The following CHRNA3 variants were observed in gnomAD, a reference collection of about 807,000 sequenced individuals.
CHRNA3 encodes neuronal acetylcholine receptor subunit alpha-3.
CHRNA3 carries 34 observed loss-of-function variants against 41.9 expected under a neutral mutation model. That is an observed-to-expected ratio of 0.81 (90% CI 0.62 to 1.08). CHRNA3 has a LOEUF of 1.08. Among genes scored for constraint, CHRNA3 ranks in the 50% least tolerant of loss-of-function variants. The pLI, the probability that CHRNA3 is intolerant of heterozygous loss-of-function variation, is 0.00. For missense variants in CHRNA3, 542 were observed against 638.3 expected (o/e 0.85, Z 1.63); for synonymous variants, 281 against 265.2 (o/e 1.06, Z -0.58).
At chr15:78,620,679 C>G in intron 1 of CHRNA3, 34 bp downstream of exon 1, 5 of 1,498,970 alleles carry the variant, frequency 3.3e-6, no homozygotes, top group Middle Eastern at 4.4e-4. Flanking sequence ...CTCGGGCGCC[C>G]GTCCCTCCGG....
Position 78,596,032 on chromosome 15 carries a change from A to G in CHRNA3, c.*572T>C. On this transcript the variant is annotated 3_prime_UTR_variant, in exon 6 of 6. Coordinates refer to ENST00000326828, the MANE Select transcript of CHRNA3 (RefSeq NM_000743.5). ...GTGTACTAAGACAGTTATATTAACA[A>G]TGAATAACTAGGCATGATTTCTCAT... 7 of 966,898 alleles carry G rather than the reference A, an allele frequency of 7.2e-6. No homozygotes were observed. The highest frequency in any genetic ancestry group is 8.6e-6 in the Non-Finnish European group (7 of 813,256). The allele number at this position is 966,898 out of a possible 1,614,324, so 59.9% of individuals were successfully genotyped here. A position where few individuals can be genotyped will look rare whatever the true frequency, so the allele number is the denominator to read the frequency against.
intron 4 of CHRNA3, among the ~76,000 whole-genome samples, chr15:78,610,828 G>T (rs927876324): frequency 1.3e-5 from 2 of 152,078 alleles, no homozygotes; most frequent in African/African-American, 4.8e-5. Flanking sequence ...TAGACTGCTA[G>T]CAAGACTAAT....
In CHRNA3 at chr15:78,595,912, C is replaced by G. The variant is rs2053099992; in HGVS notation, c.*692G>C. 3.9e-6 allele frequency: 1 copy of G among 253,556 alleles called. No individual in the cohort carries two copies. Among genetic ancestry groups the G allele is most frequent in the Admixed American group, 6.5e-5 (1 of 15,362 alleles). 15.7% of individuals were successfully genotyped at this position (253,556 alleles called of 1,614,324 possible). A position where few individuals can be genotyped will look rare whatever the true frequency, so the allele number is the denominator to read the frequency against. On this transcript the variant is annotated 3_prime_UTR_variant, in exon 6 of 6. Coordinates refer to ENST00000326828, the MANE Select transcript of CHRNA3 (RefSeq NM_000743.5). ...AAGGCACCCTTTGAGGAAGAGGACC[C>G]TCACCAGACACCAAATTTGCTGGTG...
intron 5 of CHRNA3, chr15:78,599,946 A>C (rs1271456280): frequency 6.8e-6 from 1 of 146,734 alleles, no homozygotes; most frequent in East Asian, 2.1e-4. Context: ...GAACCTGGGA[A>C]GCAGAGGTTG....
chr15:78,609,708 G>T (rs1045983304), intron 4 of CHRNA3, among the ~76,000 whole-genome samples: 1 of 152,094 alleles, frequency 6.6e-6, no homozygotes, highest in African/African-American at 2.4e-5. Flanking sequence ...ATAATGACAG[G>T]ACCAAATTCA....
intron 4 of CHRNA3, chr15:78,607,407 T>C (rs940448214): frequency 6.6e-6 from 1 of 151,332 alleles, no homozygotes; most frequent in Non-Finnish European, 1.5e-5. Context: ...AAACAAAATA[T>C]CACAGGAGAA....
At position 78,615,078 on chromosome 15, in the gene CHRNA3, A is replaced by G. The variant is rs1404752812; in HGVS notation, c.377+1946T>C. Among the ~76,000 whole-genome samples the G allele has an allele frequency of 2.6e-5, 4 of 152,302 alleles. No individual in the cohort carries two copies. The East Asian group carries it at 5.8e-4, about 22-fold the overall frequency. The stretch of plus-strand genomic sequence containing the variant: ...GCAGCTTCTCTCGATGGCAGGAGCC[A>G]GGGAAGTCTTTTTAGTCCTGGACTC... On this transcript the variant is annotated intron_variant, in intron 4 of 5. Transcript: ENST00000326828.
At chr15:78,619,037 C>A in intron 1 of CHRNA3, 122 bp from the exon 2 acceptor site, 1 of 1,198,488 alleles carries the variant, frequency 8.3e-7, no homozygotes, top group South Asian at 1.5e-5. Context: ...CTGTGGAACC[C>A]TAGACTTTCA....
chr15:78,596,581 C>A lies in CHRNA3; in HGVS notation c.*23G>T, dbSNP rs371646922. The A allele has an allele frequency of 5.2e-6, 8 of 1,524,804 alleles. No individual in the cohort carries two copies. The African/African-American group carries it at 7.0e-5, about 13-fold the overall frequency. The allele number at this position is 1,524,804 out of a possible 1,614,324, so 94.5% of individuals were successfully genotyped here. On this transcript the variant is annotated 3_prime_UTR_variant, in exon 6 of 6. Transcript: ENST00000326828. ...CCTGCCCTGACACAAGGAAGTCTCC[C>A]AGGCAGGCACACAGCTTAGTGCTTA...
At chr15:78,598,570 T>C (rs960422703) in intron 5 of CHRNA3, among the ~76,000 whole-genome samples, 2 of 152,036 alleles carry the variant, frequency 1.3e-5, no homozygotes, top group African/African-American at 4.8e-5. Flanking sequence ...AATTTTTTGT[T>C]TTTTGAGACG....
chr15:78,599,674 T>C, intron 5 of CHRNA3, among the ~76,000 whole-genome samples: 1 of 147,396 alleles, frequency 6.8e-6, no homozygotes, highest in Admixed American at 6.9e-5. Flanking sequence ...TTATTTCTCT[T>C]CTTATTGGCA....
At chr15:78,620,224 TCCAGCTCCAGCC>T (rs2053527942) in intron 1 of CHRNA3, 1 of 155,606 alleles carries the variant, frequency 6.4e-6, no homozygotes, top group South Asian at 1.9e-4. Flanking sequence ...AGGCTGGCGC[TCCAGCTCCAGCC>T]CCAGTCCCGA....
At chr15:78,608,259 T>G (rs2053328462) in intron 4 of CHRNA3, among the ~76,000 whole-genome samples, 1 of 152,236 alleles carries the variant, frequency 6.6e-6, no homozygotes, top group South Asian at 2.1e-4. Flanking sequence ...ACGGGCAGAC[T>G]GCCTCCTCAA....
At position 78,620,974 on chromosome 15, in the gene CHRNA3, G is replaced by A. The variant is rs545036689; in HGVS notation, c.-180C>T. 2.3e-5 allele frequency: 19 copies of A among 822,250 alleles called. No individual in the cohort carries two copies. In the East Asian group the frequency reaches 6.9e-4, roughly 30 times the overall value. The allele number at this position is 822,250 out of a possible 1,614,324, so 50.9% of individuals were successfully genotyped here. The stretch of plus-strand genomic sequence containing the variant: ...GGTTTCCAGCGCCCTCGGACCCGCG[G>A]GAGGACAGGAACCATCCGGAGTGAA... On this transcript the variant is annotated 5_prime_UTR_variant, in exon 1 of 6. Coordinates refer to ENST00000326828, the MANE Select transcript of CHRNA3 (RefSeq NM_000743.5).
intron 4 of CHRNA3, among the ~76,000 whole-genome samples, chr15:78,609,247 G>A (rs1191753204): frequency 1.3e-5 from 2 of 152,186 alleles, no homozygotes; most frequent in Non-Finnish European, 2.9e-5. Flanking sequence ...GATACTCCTC[G>A]AGAAGAGCAA....
chr15:78,595,314 TTCTG>T lies in CHRNA3; in HGVS notation c.*1286_*1289del, dbSNP rs1272266463. ...AAACATGAGTCACAGCGGGCTGCAA[TTCTG>T]TCCATTTTATTTTTGCACAGGAAAA... On this transcript the variant is annotated 3_prime_UTR_variant, in exon 6 of 6. Coordinates refer to ENST00000326828, the MANE Select transcript of CHRNA3 (RefSeq NM_000743.5). 1.0e-6 allele frequency: 1 copy of T among 985,100 alleles called. No individual in the cohort carries two copies. The highest frequency in any genetic ancestry group is 1.2e-6 in the Non-Finnish European group (1 of 829,886). The allele number at this position is 985,100 out of a possible 1,614,324, so 61.0% of individuals were successfully genotyped here. A position where few individuals can be genotyped will look rare whatever the true frequency, so the allele number is the denominator to read the frequency against.
chr15:78,596,391 C>G lies in CHRNA3; in HGVS notation c.*213G>C, dbSNP rs146105547. 2.3e-4 allele frequency: 281 copies of G among 1,217,114 alleles called. No individual in the cohort carries two copies. The African/African-American group carries it at 3.9e-3, about 17-fold the overall frequency. The allele number at this position is 1,217,114 out of a possible 1,614,324, so 75.4% of individuals were successfully genotyped here. A position where few individuals can be genotyped will look rare whatever the true frequency, so the allele number is the denominator to read the frequency against. On this transcript the variant is annotated 3_prime_UTR_variant, in exon 6 of 6. Coordinates refer to ENST00000326828, the MANE Select transcript of CHRNA3 (RefSeq NM_000743.5). Reference sequence around the variant, plus strand: ...CACATTTTGACATCTCTTTACCATACCAAAAAGGCTAGTTAAATGTTCATT... The same window carrying G: ...CACATTTTGACATCTCTTTACCATAGCAAAAAGGCTAGTTAAATGTTCATT...
chr15:78,602,327 A>G, intron 4 of CHRNA3, 63 bp from the exon 5 acceptor site: 1 of 1,513,702 alleles, frequency 6.6e-7, no homozygotes, highest in Non-Finnish European at 9.0e-7. Context: ...TATTGTGGTC[A>G]TCTCAACCAG....
chr15:78,602,363 A>G (rs1053129409), intron 4 of CHRNA3, 99 bp from the exon 5 acceptor site: 2 of 1,297,826 alleles, frequency 1.5e-6, no homozygotes, highest in African/African-American at 1.5e-5. Context: ...AATGATTTGG[A>G]AGGCACTGGA....
Sources: gnomAD v4.1 joint callset for allele counts (sites outside exome capture counted in the v4.1 genomes callset) on GRCh38, gnomAD v4.1.1 for gene constraint, MANE v1.5 for transcripts, NCBI Gene and HGNC (gene_info 2026-07-23, HGNC 2026-07-21) for gene names.